The following TRPM3 variants were observed in gnomAD, a reference collection of about 807,000 sequenced individuals.
TRPM3 encodes long transient receptor potential channel 3.
Under a neutral mutation model 181.2 loss-of-function variants are expected in TRPM3, and 77 were observed. That is an observed-to-expected ratio of 0.42 (90% confidence interval 0.35 to 0.51). The LOEUF (loss-of-function observed/expected upper bound fraction) is 0.51. TRPM3 is among the 20% of genes least tolerant of loss of function. The pLI is 0.01. For missense variants in TRPM3, 1,759 were observed against 2,196.7 expected (o/e 0.80, Z 3.98); for synonymous variants, 745 against 796.4 (o/e 0.94, Z 1.09).
chr9:70,773,474 G>A lies in TRPM3; in HGVS notation c.1148+10631C>T, dbSNP rs562515364. ...TTTTGAGCATGCTGCTGGGGAGAGG[G>A]TCAGAGGTGTGGGAAAAGGGGAGGG... On this transcript the variant is annotated intron_variant, in intron 7 of 25. Transcript: ENST00000677713. Among the ~76,000 whole-genome samples, 24 of 152,292 alleles carry A rather than the reference G, an allele frequency of 1.6e-4. No homozygotes were observed. In the Middle Eastern group the frequency reaches 0.014, roughly 86 times the overall value.
At position 71,096,109 on chromosome 9, in the gene TRPM3, G is replaced by A. The variant is rs577813548; in HGVS notation, c.177+25069C>T. Among the ~76,000 whole-genome samples, 7 of 152,008 alleles carry A rather than the reference G, an allele frequency of 4.6e-5. No individual in the cohort carries two copies. In the East Asian group the frequency reaches 1.4e-3, roughly 29 times the overall value. On this transcript the variant is annotated intron_variant, in intron 1 of 25. Transcript: ENST00000677713. ...TTCTTGTTTCTGGAGGACGAAGTAT[G>A]ATTTTAAGTGAAGTTAATGTTTCAA...
intron 1 of TRPM3, among the ~76,000 whole-genome samples, chr9:71,259,977 T>C (rs964748352): frequency 1.3e-5 from 2 of 152,178 alleles, no homozygotes; most frequent in African/African-American, 4.8e-5. Context: ...CTAAATGGTA[T>C]TGCCTAGGTT....
At chr9:71,100,708 G>A (rs1429870830) in intron 1 of TRPM3, among the ~76,000 whole-genome samples, 8 of 152,082 alleles carry the variant, frequency 5.3e-5, no homozygotes, top group Non-Finnish European at 1.2e-4. Context: ...TCTGCCTTTC[G>A]TCTTTGAAGA....
rs140156084 is a variant in TRPM3 at position 71,304,148 on chromosome 9, C to T, written c.183+142505G>A. On this transcript the variant is annotated intron_variant, in intron 1 of 24. Coordinates refer to the TRPM3 transcript ENST00000357533. ...CACATAATTGATGCAACAAATTGAA[C>T]TTGGTGTACATAAATTGTCTACACA... Among the ~76,000 whole-genome samples, 301 of 152,188 alleles carry T rather than the reference C, an allele frequency of 2.0e-3. 1 individual carries two copies. Among genetic ancestry groups the T allele is most frequent in the African/African-American group, 6.9e-3 (286 of 41,554 alleles).
intron 18 of TRPM3, 126 bp from the exon 19 acceptor site, chr9:70,610,875 G>C: frequency 8.5e-7 from 1 of 1,177,880 alleles, no homozygotes; most frequent in Admixed American, 2.3e-5. Context: ...CAGAGATTTA[G>C]AGGTTGTACC....
intron 9 of TRPM3, among the ~76,000 whole-genome samples, chr9:70,676,728 T>C (rs1205791201): frequency 6.6e-6 from 1 of 152,146 alleles, no homozygotes; most frequent in African/African-American, 2.4e-5. Context: ...AAATGATTGA[T>C]AGGCCAAACT....
chr9:70,913,638 G>A (rs10118647), intron 1 of TRPM3, among the ~76,000 whole-genome samples: 9,088 of 152,186 alleles, frequency 0.06, 492 homozygotes, highest in African/African-American at 0.15. Context: ...AGTACTAAAT[G>A]TTCTAGAGGA....
At chr9:71,079,329 G>T (rs1003913122) in intron 1 of TRPM3, among the ~76,000 whole-genome samples, 5 of 152,178 alleles carry the variant, frequency 3.3e-5, no homozygotes, top group Non-Finnish European at 5.9e-5. Flanking sequence ...AGGAATGATT[G>T]TGAGGGTAGC....
rs557062452 is a variant in TRPM3 at position 70,817,846 on chromosome 9, T to C, written c.973+10001A>G. Among the ~76,000 whole-genome samples the C allele has an allele frequency of 1.9e-3, 283 of 152,146 alleles. 1 individual carries two copies. Among genetic ancestry groups the C allele is most frequent in the African/African-American group, 6.5e-3 (270 of 41,558 alleles). ...AATAAGAATAAAAATAAATATGTCA[T>C]ATTTATTATATATTGTTTATTCATA... On this transcript the variant is annotated intron_variant, in intron 6 of 25. Transcript: ENST00000677713.
intron 6 of TRPM3, among the ~76,000 whole-genome samples, chr9:70,823,679 T>A (rs2093353798): frequency 8.9e-6 from 1 of 112,026 alleles, no homozygotes; most frequent in Non-Finnish European, 2.1e-5. Context: ...TCTTACTTAT[T>A]ACTATGGTTG....
At chr9:71,228,088 T>C (rs1234997636) in intron 1 of TRPM3, among the ~76,000 whole-genome samples, 4 of 152,098 alleles carry the variant, frequency 2.6e-5, no homozygotes, top group African/African-American at 9.7e-5. Context: ...TTCTCAGCAA[T>C]ATACTAGCAA....
chr9:70,810,077 CTG>C (rs1305577537), intron 6 of TRPM3: 2 of 534,526 alleles, frequency 3.7e-6, no homozygotes, highest in African/African-American at 3.9e-5. Context: ...TGAAGAAAGA[CTG>C]TAGCCATGGG....
At position 70,655,207 on chromosome 9, in the gene TRPM3, GGGGC is replaced by G. The variant is rs543752447; in HGVS notation, c.1346-14551_1346-14548del. Among the ~76,000 whole-genome samples, 732 of 149,840 alleles carry G rather than the reference GGGGC, an allele frequency of 4.9e-3. 9 individuals carry two copies. The highest frequency in any genetic ancestry group is 0.017 in the African/African-American group (694 of 40,738). ...TGTAATCCCTGGTACTCAGGAGGCT[GGGGC>G]AGGAGAATCACTTGAACCTGGGAGG... On this transcript the variant is annotated intron_variant, in intron 9 of 25. Coordinates refer to ENST00000677713, the MANE Select transcript of TRPM3 (RefSeq NM_001366145.2).
intron 1 of TRPM3, among the ~76,000 whole-genome samples, chr9:71,194,798 T>C (rs1196286028): frequency 6.6e-6 from 1 of 151,454 alleles, no homozygotes; most frequent in Admixed American, 6.6e-5. Flanking sequence ...AACACTTATT[T>C]TAAAAAGAAA....
chr9:70,676,649 T>C (rs1028516644), intron 9 of TRPM3, among the ~76,000 whole-genome samples: 1 of 152,184 alleles, frequency 6.6e-6, no homozygotes, highest in Non-Finnish European at 1.5e-5. Flanking sequence ...TCTTGAGTTA[T>C]TCTTCTCAAA....
Position 71,306,830 on chromosome 9 carries a change from G to A in TRPM3, c.183+139823C>T, listed in dbSNP as rs547185280. ...GGAGATTGCAGTGAGCCGAGATCGCGCCACTGCACTCCAGCCTGGTGACAG... is the reference window on the plus strand; with the variant it reads ...GGAGATTGCAGTGAGCCGAGATCGCACCACTGCACTCCAGCCTGGTGACAG... On this transcript the variant is annotated intron_variant, in intron 1 of 24. Coordinates refer to the TRPM3 transcript ENST00000357533. Among the ~76,000 whole-genome samples the A allele has an allele frequency of 5.5e-4, 83 of 152,280 alleles. 1 individual carries two copies. Among genetic ancestry groups the A allele is most frequent in the Middle Eastern group, 3.4e-3 (1 of 294 alleles).
intron 9 of TRPM3, among the ~76,000 whole-genome samples, chr9:70,678,432 CTCTT>C (rs1161680839): frequency 1.3e-5 from 2 of 152,088 alleles, no homozygotes; most frequent in African/African-American, 4.8e-5. Flanking sequence ...TTTTGTCTCT[CTCTT>C]TCTTCATTTT....
At chr9:71,335,281 AAACCCTGG>A (rs1429846300) in intron 1 of TRPM3, among the ~76,000 whole-genome samples, 1 of 152,174 alleles carries the variant, frequency 6.6e-6, no homozygotes, top group Non-Finnish European at 1.5e-5. Flanking sequence ...CCCTGCCCTG[AAACCCTGG>A]GTAGGAGTTT....
Position 70,625,069 on chromosome 9 carries a change from T to A in TRPM3, c.1809+122A>T. 2 of 1,024,910 alleles carry A rather than the reference T, an allele frequency of 2.0e-6. No homozygotes were observed. The highest frequency in any genetic ancestry group is 5.3e-5 in the East Asian group (2 of 37,668). The allele number at this position is 1,024,910 out of a possible 1,614,324, so 63.5% of individuals were successfully genotyped here. A position where few individuals can be genotyped will look rare whatever the true frequency, so the allele number is the denominator to read the frequency against. The stretch of plus-strand genomic sequence containing the variant: ...AATTTCATTACTTTTCTTTGATTGT[T>A]TAGGTTCACTCTCAGCGCAATTTTC... On this transcript the variant is annotated intron_variant, in intron 14 of 25. Transcript: ENST00000677713. The surrounding 1 kb of genome is among the most constrained non-coding windows in gnomAD (Gnocchi z 4.8).
Sources: gnomAD v4.1 joint callset for allele counts (sites outside exome capture counted in the v4.1 genomes callset) on GRCh38, gnomAD v4.1.1 for gene constraint, Gnocchi (gnomAD v3.1) non-coding constraint, MANE v1.5 for transcripts, NCBI Gene and HGNC (gene_info 2026-07-23, HGNC 2026-07-21) for gene names.